The following SLC25A13 variants were observed in gnomAD, a reference collection of about 807,000 sequenced individuals.
The protein encoded by SLC25A13 is electrogenic aspartate/glutamate antiporter SLC25A13, mitochondrial.
SLC25A13 carries 70 observed loss-of-function variants against 85.5 expected under a neutral mutation model. The ratio of observed to expected loss-of-function variants is 0.82; its 90% CI spans 0.68 to 1.00. The LOEUF is 1.00. Among genes scored for constraint, SLC25A13 ranks in the 50% least tolerant of loss-of-function variants. The pLI is 0.00. For missense variants in SLC25A13, 765 were observed against 819.8 expected (o/e 0.93, Z 0.82); for synonymous variants, 259 against 288.7 (o/e 0.90, Z 1.04).
At chr7:96,196,306 A>G (rs1302103674) in intron 5 of SLC25A13, among the ~76,000 whole-genome samples, 3 of 152,232 alleles carry the variant, frequency 2.0e-5, no homozygotes, top group African/African-American at 4.8e-5. Context: ...ACTCTCAACA[A>G]TAGTAGAAGG....
chr7:96,291,148 T>A (rs1225800235), intron 2 of SLC25A13, among the ~76,000 whole-genome samples: 1 of 152,080 alleles, frequency 6.6e-6, no homozygotes, highest in Admixed American at 6.6e-5. Context: ...CTCAACTACA[T>A]GGAAACTGAA....
At chr7:96,149,965 T>C (rs955471270) in intron 13 of SLC25A13, among the ~76,000 whole-genome samples, 1 of 152,182 alleles carries the variant, frequency 6.6e-6, no homozygotes, top group Non-Finnish European at 1.5e-5. Context: ...AGATACTGTT[T>C]TTTTTGTGTG....
At chr7:96,277,135 G>T in intron 3 of SLC25A13, 61 bp downstream of exon 3, 1 of 1,496,556 alleles carries the variant, frequency 6.7e-7, no homozygotes, top group South Asian at 1.3e-5. Flanking sequence ...CTGGTCATTA[G>T]AGCAAAAGAA....
At chr7:96,246,846 C>CA (rs910731598) in intron 3 of SLC25A13, among the ~76,000 whole-genome samples, 9 of 151,666 alleles carry the variant, frequency 5.9e-5, no homozygotes, top group African/African-American at 1.2e-4. Context: ...CAGAATATCA[C>CA]AAAAAAAAGC....
chr7:96,148,741 A>G (rs1249933378), intron 13 of SLC25A13, among the ~76,000 whole-genome samples: 1 of 152,120 alleles, frequency 6.6e-6, no homozygotes, highest in African/African-American at 2.4e-5. Context: ...AATCAGAGAA[A>G]CCAGTCTTCT....
intron 14 of SLC25A13, among the ~76,000 whole-genome samples, chr7:96,137,685 G>A (rs1792342936): frequency 6.6e-6 from 1 of 152,136 alleles, no homozygotes; most frequent in South Asian, 2.1e-4. Context: ...GGAGTGCAGT[G>A]GTGCAATCTT....
At position 96,193,165 on chromosome 7, in the gene SLC25A13, C is replaced by A. The variant is rs554663995; in HGVS notation, c.487G>T (p.Ala163Ser). 1 of 1,613,890 alleles carries A rather than the reference C, an allele frequency of 6.2e-7. No individual in the cohort carries two copies. The highest frequency in any genetic ancestry group is 1.3e-5 in the African/African-American group (1 of 74,890). ...QFLLEIQLEHAKQAFVQRDNA... is the reference protein window; with the variant it reads ...QFLLEIQLEHSKQAFVQRDNA... ...TCCCGTTGCACAAAGGCTTGCTTTGCGTGCTCCAGTTGTATTTCCTACAAA... is the reference window on the plus strand; with the variant it reads ...TCCCGTTGCACAAAGGCTTGCTTTGAGTGCTCCAGTTGTATTTCCTACAAA... The change falls in exon 6 of 18, where the codon GCA (alanine) becomes TCA (serine). Residue 163 changes from alanine to serine, a missense_variant. By Grantham distance (99) the Ala-to-Ser change is moderately conservative. Transcript: ENST00000265631.
intron 2 of SLC25A13, chr7:96,283,460 A>G: frequency 2.3e-6 from 1 of 435,522 alleles, no homozygotes; most frequent in South Asian, 1.9e-5. Context: ...CAAATCTATA[A>G]GAAAGGTGAT....
At chr7:96,160,619 C>T (rs1793470994) in intron 13 of SLC25A13, among the ~76,000 whole-genome samples, 2 of 152,138 alleles carry the variant, frequency 1.3e-5, no homozygotes, top group Admixed American at 6.5e-5. Flanking sequence ...TATAAGGGCA[C>T]TAATCTCAAA....
intron 5 of SLC25A13, among the ~76,000 whole-genome samples, chr7:96,197,499 C>T (rs1313672901): frequency 1.3e-5 from 2 of 152,116 alleles, no homozygotes; most frequent in Non-Finnish European, 2.9e-5. Flanking sequence ...GGAGCTAACA[C>T]ATAGGTTACT....
intron 9 of SLC25A13, among the ~76,000 whole-genome samples, chr7:96,189,039 G>A (rs1237519678): frequency 2.0e-5 from 3 of 152,138 alleles, no homozygotes; most frequent in South Asian, 2.1e-4. Flanking sequence ...TCATGTTTTC[G>A]GAGCATTAGG....
chr7:96,255,743 A>G (rs747855231), intron 3 of SLC25A13, among the ~76,000 whole-genome samples: 5 of 152,136 alleles, frequency 3.3e-5, no homozygotes, highest in Admixed American at 6.6e-5. Context: ...AAGTAGTGAC[A>G]ACTCAAAAGA....
chr7:96,161,588 C>G (rs1037455164), intron 13 of SLC25A13, among the ~76,000 whole-genome samples: 2 of 152,110 alleles, frequency 1.3e-5, no homozygotes, highest in African/African-American at 4.8e-5. Flanking sequence ...TTATAGATGT[C>G]TCAGTTCAGC....
intron 7 of SLC25A13, 34 bp downstream of exon 7, chr7:96,191,075 T>C (rs752688740): frequency 1.2e-6 from 2 of 1,613,332 alleles, no homozygotes; most frequent in South Asian, 2.2e-5. Context: ...ACCACAATAC[T>C]TGCAGGCTAG....
At chr7:96,141,769 A>G (rs1471662963) in intron 14 of SLC25A13, among the ~76,000 whole-genome samples, 2 of 152,236 alleles carry the variant, frequency 1.3e-5, no homozygotes, top group African/African-American at 2.4e-5. Context: ...CTGAAGAATT[A>G]ATCTTATGAG....
chr7:96,277,702 C>T (rs1798513366), intron 2 of SLC25A13, among the ~76,000 whole-genome samples: 1 of 151,832 alleles, frequency 6.6e-6, no homozygotes, highest in Non-Finnish European at 1.5e-5. Flanking sequence ...TTCTCCAGCC[C>T]AAAGTGTGGG....
chr7:96,179,621 AACCAAAT>A (rs1340230634), intron 11 of SLC25A13, among the ~76,000 whole-genome samples: 1 of 152,208 alleles, frequency 6.6e-6, no homozygotes, highest in Admixed American at 6.5e-5. Context: ...GGCTTCCTAT[AACCAAAT>A]ACATGTCTTC....
intron 5 of SLC25A13, among the ~76,000 whole-genome samples, chr7:96,199,024 AAGG>A (rs1166672940): frequency 6.6e-6 from 1 of 152,192 alleles, no homozygotes; most frequent in East Asian, 1.9e-4. Context: ...AAAACATCAC[AAGG>A]AGAACGTTTA....
chr7:96,146,920 G>A (rs1177535866), intron 13 of SLC25A13, among the ~76,000 whole-genome samples: 1 of 152,080 alleles, frequency 6.6e-6, no homozygotes, highest in Non-Finnish European at 1.5e-5. Flanking sequence ...GCTGAAGGAG[G>A]GCAAAGACCA....
Sources: gnomAD v4.1 joint callset for allele counts (sites outside exome capture counted in the v4.1 genomes callset) on GRCh38, gnomAD v4.1.1 for gene constraint, MANE v1.5 for transcripts, NCBI Gene and HGNC (gene_info 2026-07-23, HGNC 2026-07-21) for gene names.